SLC25A18: variants seen among roughly 807,000 people sequenced by gnomAD.
SLC25A18 encodes the protein mitochondrial glutamate carrier 2.
SLC25A18 carries 24 observed loss-of-function variants against 31.1 expected under a neutral mutation model. The observed-to-expected ratio is 0.77, with a 90% CI of 0.56 to 1.08. The LOEUF is 1.08. SLC25A18 is among the 50% of genes least tolerant of loss of function. SLC25A18 has a pLI of 0.00. For synonymous variants in SLC25A18, 173 were observed against 161.9 expected, an observed-to-expected ratio of 1.07 and a Z score of -0.52; for missense variants, 371 against 418.5, an observed-to-expected ratio of 0.89 and a Z score of 0.99.
At chr22:17,579,339 G>A (rs910511348) in intron 2 of SLC25A18, among the ~76,000 whole-genome samples, 2 of 151,984 alleles carry the variant, frequency 1.3e-5, no homozygotes, top group African/African-American at 4.8e-5. Flanking sequence ...CGCCCGCCTC[G>A]GCCTCCCAAA....
intron 1 of SLC25A18, among the ~76,000 whole-genome samples, chr22:17,568,668 T>C (rs1601259028): frequency 7.1e-6 from 1 of 140,300 alleles, no homozygotes; most frequent in South Asian, 2.5e-4. Context: ...TTCACGCCAT[T>C]CTCCTGCCTC....
At chr22:17,572,902 A>G (rs1601281478) in intron 2 of SLC25A18, among the ~76,000 whole-genome samples, 2 of 152,018 alleles carry the variant, frequency 1.3e-5, no homozygotes, top group Admixed American at 1.3e-4. Context: ...CGGCCTCCCG[A>G]AGTGCTGGGA....
intron 1 of SLC25A18, among the ~76,000 whole-genome samples, chr22:17,566,883 G>A (rs1030512252): frequency 7.9e-5 from 12 of 152,160 alleles, no homozygotes; most frequent in African/African-American, 1.7e-4. Context: ...AGCATGGGCC[G>A]GCCGTGATGG....
chr22:17,584,422 A>AGAAAGAAAGAAAGAAAGGAAG (rs201926051), intron 7 of SLC25A18, among the ~76,000 whole-genome samples: 28 of 134,058 alleles, frequency 2.1e-4, no homozygotes, highest in Non-Finnish European at 2.3e-4. Context: ...AAAGAAAGAA[A>AGAAAGAAAGAAAGAAAGGAAG]GAAGGAAGGA....
chr22:17,582,290 G>T, intron 5 of SLC25A18: 1 of 240,900 alleles, frequency 4.2e-6, no homozygotes, highest in Non-Finnish European at 8.0e-6. Flanking sequence ...GCAGGAGAAT[G>T]GCGCGAACCC....
chr22:17,568,917 C>T, intron 1 of SLC25A18, among the ~76,000 whole-genome samples: 1 of 151,544 alleles, frequency 6.6e-6, no homozygotes, highest in East Asian at 1.9e-4. Context: ...AGAATGTTAG[C>T]ACAGGTCTTT....
intron 3 of SLC25A18, chr22:17,580,695 G>A: frequency 2.8e-6 from 3 of 1,065,458 alleles, no homozygotes; most frequent in South Asian, 4.1e-5. Flanking sequence ...AACTGCACAC[G>A]TGGCTCCAGG....
chr22:17,575,339 AG>A (rs2057205415), intron 2 of SLC25A18, among the ~76,000 whole-genome samples: 2 of 152,204 alleles, frequency 1.3e-5, no homozygotes, highest in Admixed American at 1.3e-4. Context: ...TAAGACAATA[AG>A]TCACCTCATT....
intron 5 of SLC25A18, 154 bp downstream of exon 5, chr22:17,581,567 C>T (rs888522873): frequency 3.8e-6 from 3 of 787,186 alleles, no homozygotes; most frequent in Admixed American, 2.6e-5. Flanking sequence ...GAGACAGAGG[C>T]AGCTCTGGGT....
intron 1 of SLC25A18, among the ~76,000 whole-genome samples, chr22:17,568,089 G>A (rs1569174626): frequency 6.6e-6 from 1 of 152,088 alleles, no homozygotes; most frequent in African/African-American, 2.4e-5. Context: ...AATAGGCCAG[G>A]TGCGATGGCT....
intron 2 of SLC25A18, among the ~76,000 whole-genome samples, chr22:17,572,636 A>ATTTTTT (rs1601279642): frequency 2.9e-5 from 3 of 103,094 alleles, no homozygotes; most frequent in African/African-American, 7.1e-5. Flanking sequence ...TCTACAAATA[A>ATTTTTT]ATTTTTTTTT....
intron 1 of SLC25A18, among the ~76,000 whole-genome samples, chr22:17,564,081 C>T (rs2056872157): frequency 6.6e-6 from 1 of 152,180 alleles, no homozygotes; most frequent in Non-Finnish European, 1.5e-5. Context: ...GCTTGAATTC[C>T]TCTTTTGCCC....
intron 1 of SLC25A18, 36 bp downstream of exon 1, chr22:17,563,749 A>G: frequency 6.1e-6 from 6 of 984,726 alleles, no homozygotes; most frequent in Non-Finnish European, 7.2e-6. Context: ...TGAGCCTTGT[A>G]CTTTGCCTAG....
rs1267606288 is a variant in SLC25A18 at position 17,581,017 on chromosome 22, CT to C, written c.21-19del. On this transcript the variant is annotated intron_variant, in intron 3 of 10. Coordinates refer to ENST00000327451, the MANE Select transcript of SLC25A18 (RefSeq NM_031481.3). ...CCCTCCCTCTGCCTCTCTCCTCCCCCTGTCCTCCCCCTGTCCTAGCATCACA... is the reference window on the plus strand; with the variant it reads ...CCCTCCCTCTGCCTCTCTCCTCCCCCGTCCTCCCCCTGTCCTAGCATCACA... The C allele has an allele frequency of 1.3e-6, 2 of 1,535,846 alleles. No individual in the cohort carries two copies. The highest frequency in any genetic ancestry group is 2.7e-5 in the African/African-American group (2 of 72,794).
In SLC25A18 at chr22:17,581,406, G is replaced by T; in HGVS notation, c.192G>T (p.Met64Ile). 1 of 1,614,120 alleles carries T rather than the reference G, an allele frequency of 6.2e-7. No homozygotes were observed. Among genetic ancestry groups the T allele is most frequent in the Middle Eastern group, 1.6e-4 (1 of 6,062 alleles). The change falls in exon 5 of 11, where the codon ATG (methionine) becomes ATT (isoleucine). Residue 64 changes from methionine (M) to isoleucine (I), a missense_variant. Transcript: ENST00000327451. Reference protein sequence around the residue: ...KTARAEGFFGMYRGAAVNLTL... With the variant: ...KTARAEGFFGIYRGAAVNLTL... The stretch of plus-strand genomic sequence containing the variant: ...CTCGGGCGGAGGGCTTCTTCGGCAT[G>T]TACCGAGGTGGGCTTCTCAGGTCCC...
In SLC25A18 at chr22:17,583,951, A is replaced by C. The variant is rs926072089; in HGVS notation, c.409+417A>C. The C allele has an allele frequency of 9.6e-6, 6 of 626,640 alleles. No homozygotes were observed. In the African/African-American group the frequency reaches 1.2e-4, roughly 12 times the overall value. 38.8% of individuals were successfully genotyped at this position (626,640 alleles called of 1,614,324 possible). ...AGAGTGAGACTCTGTCTCAAAAAAA[A>C]AAAAGTCTTCATTTATGGTTACCCA... On this transcript the variant is annotated intron_variant, in intron 7 of 10. Coordinates refer to ENST00000327451, the MANE Select transcript of SLC25A18 (RefSeq NM_031481.3).
intron 1 of SLC25A18, 84 bp from the exon 2 acceptor site, chr22:17,569,840 G>C (rs55835359): frequency 6.4e-5 from 63 of 985,388 alleles, no homozygotes; most frequent in Non-Finnish European, 7.2e-5. Context: ...GTGGTGATGA[G>C]GGGGAGGCAG....
intron 1 of SLC25A18, among the ~76,000 whole-genome samples, chr22:17,567,491 G>T (rs2056967842): frequency 6.6e-6 from 1 of 151,454 alleles, no homozygotes; most frequent in Non-Finnish European, 1.5e-5. Flanking sequence ...TTAGGAGCTG[G>T]AATCTGAACG....
At chr22:17,568,380 A>C (rs553196399) in intron 1 of SLC25A18, among the ~76,000 whole-genome samples, 2 of 150,652 alleles carry the variant, frequency 1.3e-5, no homozygotes, top group Non-Finnish European at 3.0e-5. Flanking sequence ...AAAAAAAAAA[A>C]AGGCAGATGA....
Sources: allele counts gnomAD v4.1 joint callset (sites outside exome capture counted in the v4.1 genomes callset), GRCh38; gene constraint gnomAD v4.1.1; transcripts MANE v1.5; gene names NCBI Gene and HGNC (gene_info 2026-07-23, HGNC 2026-07-21).